NCOA2: variants seen among roughly 807,000 people sequenced by gnomAD.
NCOA2 encodes nuclear receptor coactivator 2.
In NCOA2, 21 loss-of-function variants were observed where a neutral mutation model predicts 145.1. That is an observed-to-expected ratio of 0.14 (90% confidence interval 0.10 to 0.21). NCOA2 has a LOEUF of 0.21. NCOA2 is among the 10% of genes least tolerant of loss of function. The pLI is 1.00. For synonymous variants in NCOA2, 619 were observed against 637.5 expected (o/e 0.97, Z 0.44); for missense variants, 1,472 against 1,837.6 (o/e 0.80, Z 3.64).
chr8:70,433,703 G>A, the NCOA2 span, among the ~76,000 whole-genome samples: 2 of 152,200 alleles, frequency 1.3e-5, no homozygotes, highest in Non-Finnish European at 2.9e-5. Flanking sequence ...GTAAAGATCT[G>A]AGAAATGTTA....
At chr8:70,216,172 G>A (rs1586136374) in intron 3 of NCOA2, among the ~76,000 whole-genome samples, 1 of 152,054 alleles carries the variant, frequency 6.6e-6, no homozygotes, top group Non-Finnish European at 1.5e-5. Context: ...CCCTACATGG[G>A]CATTATAACA....
chr8:70,420,370 A>G, the NCOA2 span, among the ~76,000 whole-genome samples: 2 of 152,358 alleles, frequency 1.3e-5, no homozygotes, highest in South Asian at 2.1e-4. Flanking sequence ...GCTGAAAGTG[A>G]GAATCATGTC....
chr8:70,215,464 A>G (rs749411874), intron 3 of NCOA2, among the ~76,000 whole-genome samples: 6 of 152,196 alleles, frequency 3.9e-5, no homozygotes, highest in Non-Finnish European at 7.3e-5. Flanking sequence ...AGGAAGTAGT[A>G]GGGAACCTAG....
intron 4 of NCOA2, among the ~76,000 whole-genome samples, chr8:70,211,072 G>C (rs1208237007): frequency 6.6e-6 from 1 of 152,176 alleles, no homozygotes; most frequent in Non-Finnish European, 1.5e-5. Flanking sequence ...CTGGCTGTCA[G>C]ATGCTGAGAA....
At chr8:70,334,483 G>C (rs66548983) in intron 1 of NCOA2, among the ~76,000 whole-genome samples, 2 of 152,062 alleles carry the variant, frequency 1.3e-5, no homozygotes, top group Non-Finnish European at 2.9e-5. Context: ...TTCCCTCTGA[G>C]AACTCCATCT....
chr8:70,310,347 A>C (rs1353897168), intron 1 of NCOA2, among the ~76,000 whole-genome samples: 2 of 80,918 alleles, frequency 2.5e-5, no homozygotes, highest in South Asian at 5.7e-4. Context: ...CTGTCTTCCC[A>C]AAAAAAAAAA....
intron 2 of NCOA2, among the ~76,000 whole-genome samples, chr8:70,285,199 A>G (rs1430572774): frequency 6.6e-6 from 1 of 152,214 alleles, no homozygotes; most frequent in Non-Finnish European, 1.5e-5. Flanking sequence ...AATATATCAG[A>G]TACAATTTAT....
chr8:70,249,791 T>C (rs1822951528), intron 2 of NCOA2, among the ~76,000 whole-genome samples: 1 of 148,636 alleles, frequency 6.7e-6, no homozygotes, highest in Non-Finnish European at 1.5e-5. Context: ...GGTGAAACTC[T>C]GCCTCAACTA....
chr8:70,376,608 G>A (rs1397734261), intron 1 of NCOA2, among the ~76,000 whole-genome samples: 1 of 151,946 alleles, frequency 6.6e-6, no homozygotes, highest in African/African-American at 2.4e-5. Context: ...TTAGAATTCT[G>A]TTAGATAAAT....
At chr8:70,159,255 T>TTTTTTTTTTTTTCC (rs1209017347) in intron 10 of NCOA2, among the ~76,000 whole-genome samples, 1 of 137,598 alleles carries the variant, frequency 7.3e-6, no homozygotes, top group African/African-American at 2.7e-5. Context: ...TTTTTTTTTT[T>TTTTTTTTTTTTTCC]CCCCCAAATA....
At chr8:70,322,572 T>C (rs1418040105) in intron 1 of NCOA2, among the ~76,000 whole-genome samples, 1 of 152,188 alleles carries the variant, frequency 6.6e-6, no homozygotes, top group Admixed American at 6.5e-5. Flanking sequence ...GGAGGTAAAA[T>C]TCACCTAAGT....
Position 70,275,866 on chromosome 8 carries a change from T to C in NCOA2, c.-20+20878A>G, listed in dbSNP as rs568436151. On this transcript the variant is annotated intron_variant, in intron 2 of 22. Coordinates refer to ENST00000452400, the MANE Select transcript of NCOA2 (RefSeq NM_006540.4). ...AGATATATAGATAGACGATGGTTCT[T>C]ATGCTTAAACACTTTCAACAACTAT... 4.4e-4 allele frequency among the ~76,000 whole-genome samples: 67 copies of C among 152,332 alleles called. 1 individual carries two copies. Among genetic ancestry groups the C allele is most frequent in the Middle Eastern group, 3.4e-3 (1 of 294 alleles).
chr8:70,434,156 G>A, the NCOA2 span, among the ~76,000 whole-genome samples: 2 of 152,122 alleles, frequency 1.3e-5, no homozygotes, highest in Non-Finnish European at 2.9e-5. Context: ...CAAAATAATA[G>A]GGAAAGTGCC....
chr8:70,228,497 T>C (rs1272246088), intron 2 of NCOA2, among the ~76,000 whole-genome samples: 5 of 152,244 alleles, frequency 3.3e-5, no homozygotes, highest in Non-Finnish European at 7.3e-5. Flanking sequence ...ACTAAATATG[T>C]AATTGGATTC....
At chr8:70,310,106 G>A (rs1828200842) in intron 1 of NCOA2, among the ~76,000 whole-genome samples, 1 of 152,024 alleles carries the variant, frequency 6.6e-6, no homozygotes, top group Admixed American at 6.6e-5. Context: ...CAAGGAGGGA[G>A]GACTGCTTGA....
chr8:70,326,431 A>T (rs773440755), intron 1 of NCOA2, among the ~76,000 whole-genome samples: 5,583 of 102,238 alleles, frequency 0.055, 152 homozygotes, highest in Non-Finnish European at 0.075. Context: ...TCTCTCTCTC[A>T]CACACACACA....
chr8:70,216,671 T>G lies in NCOA2; in HGVS notation c.75A>C (p.Gln25His). Residue 25 changes from glutamine to histidine, a missense_variant, in exon 3 of 23, where the codon CAA becomes CAC. Gln to His is a conservative substitution (Grantham distance 24). Transcript: ENST00000452400. ...AGCAAGAATCTAACCTGGGTCCAAG[T>G]TGGTCAGGACATTCCTTGCGCTTTC... ...ETRKRKECPDQLGPSPKRNTE... is the reference protein window; with the variant it reads ...ETRKRKECPDHLGPSPKRNTE... The G allele has an allele frequency of 6.2e-7, 1 of 1,612,620 alleles. No homozygotes were observed. Among genetic ancestry groups the G allele is most frequent in the Non-Finnish European group, 8.5e-7 (1 of 1,178,622 alleles).
chr8:70,368,261 G>A (rs1350261795), intron 1 of NCOA2, among the ~76,000 whole-genome samples: 1 of 152,198 alleles, frequency 6.6e-6, no homozygotes, highest in East Asian at 1.9e-4. Context: ...ACAAGTGCTG[G>A]CTAGAGACAT....
chr8:70,396,780 A>C, intron 1 of NCOA2, among the ~76,000 whole-genome samples: 1 of 152,212 alleles, frequency 6.6e-6, no homozygotes, highest in East Asian at 1.9e-4. Flanking sequence ...GGAACTATTC[A>C]AATCTATTCA....
Sources: gnomAD v4.1 joint callset for allele counts (sites outside exome capture counted in the v4.1 genomes callset) on GRCh38, gnomAD v4.1.1 for gene constraint, MANE v1.5 for transcripts, NCBI Gene and HGNC (gene_info 2026-07-23, HGNC 2026-07-21) for gene names.